The following PTPRD variants were observed in gnomAD, a reference collection of about 807,000 sequenced individuals.
The protein encoded by PTPRD is receptor-type tyrosine-protein phosphatase delta.
A neutral mutation model predicts 214.5 loss-of-function variants in PTPRD; 34 were observed. The ratio of observed to expected loss-of-function variants is 0.16; its 90% confidence interval spans 0.12 to 0.21. The LOEUF is 0.21. Ranked by LOEUF, PTPRD falls within the 10% of genes least tolerant of loss-of-function variation. PTPRD has a pLI of 1.00. For synonymous variants in PTPRD, 1,128 were observed against 845.7 expected (o/e 1.33, Z -5.79); for missense variants, 2,545 against 2,398.7 (o/e 1.06, Z -1.27).
At chr9:8,564,979 T>C (rs1202627480) in intron 14 of PTPRD, among the ~76,000 whole-genome samples, 2 of 152,206 alleles carry the variant, frequency 1.3e-5, no homozygotes, top group African/African-American at 2.4e-5. Flanking sequence ...ATAAAAATCC[T>C]CAGCAAAATT....
At chr9:8,784,639 CTCTTA>C (rs1420330042) in intron 11 of PTPRD, among the ~76,000 whole-genome samples, 11 of 127,134 alleles carry the variant, frequency 8.7e-5, no homozygotes, top group Admixed American at 3.8e-4. Flanking sequence ...TGAGAAAGAG[CTCTTA>C]TCTCATGTTT....
chr9:10,278,653 T>C (rs1392818735), intron 3 of PTPRD, among the ~76,000 whole-genome samples: 1 of 152,206 alleles, frequency 6.6e-6, no homozygotes, highest in Non-Finnish European at 1.5e-5. Context: ...ACCATAAATT[T>C]TCAAATCACA....
intron 38 of PTPRD, among the ~76,000 whole-genome samples, 183 bp from the exon 39 acceptor site, chr9:8,376,273 G>C (rs1197845870): frequency 1.3e-5 from 2 of 152,036 alleles, no homozygotes; most frequent in Non-Finnish European, 2.9e-5. Flanking sequence ...ACAAATATTT[G>C]CGCAGGAAGA....
In PTPRD at chr9:10,362,831, C is replaced by G. The variant is rs1445722498; in HGVS notation, c.-599-21814G>C. 3.3e-5 allele frequency among the ~76,000 whole-genome samples: 5 copies of G among 152,088 alleles called. No individual in the cohort carries two copies. In the East Asian group the frequency reaches 9.7e-4, roughly 29 times the overall value. On this transcript the variant is annotated intron_variant, in intron 2 of 45. Transcript: ENST00000381196. ...GGAGGTGGAGGTGGCAGTGAGCCGACATCGTGCCACTGCACTCCAGCTTGG... is the reference window on the plus strand; with the variant it reads ...GGAGGTGGAGGTGGCAGTGAGCCGAGATCGTGCCACTGCACTCCAGCTTGG...
chr9:9,669,137 C>T (rs1344061678), intron 7 of PTPRD, among the ~76,000 whole-genome samples: 1 of 151,868 alleles, frequency 6.6e-6, no homozygotes, highest in African/African-American at 2.4e-5. Flanking sequence ...CATGTGCATC[C>T]CATTACTGGG....
chr9:8,331,658 A>G lies in PTPRD; in HGVS notation c.5458T>C (p.Phe1820Leu). 1 of 1,613,840 alleles carries G rather than the reference A, an allele frequency of 6.2e-7. No homozygotes were observed. Among genetic ancestry groups the G allele is most frequent in the Non-Finnish European group, 8.5e-7 (1 of 1,179,932 alleles). ...EQGVPKSGEG[F>L]IDFIGQVHKT... The stretch of plus-strand genomic sequence containing the variant: ...TGGACTTGGCCGATGAAGTCAATAA[A>G]TCCTTCTCCGGACTTTGGCACTCCT... The change falls in exon 44 of 46, where the codon TTT becomes CTT. Residue 1820 changes from phenylalanine (F) to leucine (L), a missense_variant. Coordinates refer to ENST00000381196, the MANE Select transcript of PTPRD (RefSeq NM_002839.4).
intron 10 of PTPRD, among the ~76,000 whole-genome samples, chr9:9,025,067 T>C (rs1372271554): frequency 6.6e-6 from 1 of 152,066 alleles, no homozygotes; most frequent in Non-Finnish European, 1.5e-5. Flanking sequence ...GTAAATTTTT[T>C]GGATTGTTTA....
At position 10,345,003 on chromosome 9, in the gene PTPRD, T is replaced by C. The variant is rs370947567; in HGVS notation, c.-599-3986A>G. Among the ~76,000 whole-genome samples the C allele has an allele frequency of 8.3e-4, 126 of 152,256 alleles. 3 individuals are homozygous for C. In the South Asian group the frequency reaches 0.022, roughly 27 times the overall value. ...ATTATACTATAATAATGTAATTTTA[T>C]CTTTCTGAGCATTAAATCCTTTCTC... On this transcript the variant is annotated intron_variant, in intron 2 of 45. Coordinates refer to ENST00000381196, the MANE Select transcript of PTPRD (RefSeq NM_002839.4).
In PTPRD at chr9:9,982,463, T is replaced by TGTTGTG. The variant is rs1555428425; in HGVS notation, c.-471-43854_-471-43853insCACAAC. On this transcript the variant is annotated intron_variant, in intron 4 of 45. Coordinates refer to ENST00000381196, the MANE Select transcript of PTPRD (RefSeq NM_002839.4). ...GGTACATAGATACATATATTGTTGT[T>TGTTGTG]GTGGTGGTGGTGGTGTGTGTGTGTG... Among the ~76,000 whole-genome samples, 14 of 111,210 alleles carry TGTTGTG rather than the reference T, an allele frequency of 1.3e-4. 1 individual carries two copies. The highest frequency in any genetic ancestry group is 5.0e-4 in the African/African-American group (14 of 28,256). The allele number at this position is 111,210 out of a possible 152,430, so 73.0% of individuals were successfully genotyped here. A position where few individuals can be genotyped will look rare whatever the true frequency, so the allele number is the denominator to read the frequency against.
chr9:9,056,378 C>T (rs2099696289), intron 10 of PTPRD, among the ~76,000 whole-genome samples: 1 of 152,146 alleles, frequency 6.6e-6, no homozygotes. Flanking sequence ...GATAGTTATG[C>T]TTGACCTAGA....
intron 39 of PTPRD, among the ~76,000 whole-genome samples, chr9:8,346,925 G>A (rs944634365): frequency 6.6e-6 from 1 of 152,128 alleles, no homozygotes; most frequent in Non-Finnish European, 1.5e-5. Flanking sequence ...AACTGCAAAA[G>A]CTACGGCCAC....
intron 5 of PTPRD, among the ~76,000 whole-genome samples, chr9:9,816,008 G>A (rs977823113): frequency 1.3e-5 from 2 of 152,050 alleles, no homozygotes; most frequent in Non-Finnish European, 2.9e-5. Flanking sequence ...CTGAAGAAAG[G>A]GACATGCAGG....
chr9:9,449,375 C>T (rs1232327039), intron 8 of PTPRD, among the ~76,000 whole-genome samples: 2 of 151,066 alleles, frequency 1.3e-5, no homozygotes, highest in Admixed American at 1.3e-4. Flanking sequence ...TACATTCCTC[C>T]AAACCCAATA....
intron 7 of PTPRD, among the ~76,000 whole-genome samples, chr9:9,600,551 C>G (rs974111154): frequency 6.6e-6 from 1 of 152,022 alleles, no homozygotes; most frequent in African/African-American, 2.4e-5. Context: ...GTGTGGTGTT[C>G]AAGAGGAAGG....
At chr9:8,686,572 T>C (rs2097685623) in intron 12 of PTPRD, among the ~76,000 whole-genome samples, 3 of 152,220 alleles carry the variant, frequency 2.0e-5, no homozygotes, top group South Asian at 2.1e-4. Flanking sequence ...ATTTTAGAAA[T>C]AAGTGAAGGG....
intron 26 of PTPRD, among the ~76,000 whole-genome samples, chr9:8,494,496 T>C (rs972657042): frequency 1.3e-5 from 2 of 152,294 alleles, no homozygotes; most frequent in Admixed American, 6.5e-5. Flanking sequence ...ACACTGGCTA[T>C]CCCAAAAACT....
In PTPRD at chr9:8,840,062, T is replaced by G. The variant is rs144684699; in HGVS notation, c.-103-106116A>C. On this transcript the variant is annotated intron_variant, in intron 11 of 45. Coordinates refer to ENST00000381196, the MANE Select transcript of PTPRD (RefSeq NM_002839.4). ...GTTTCTAAATATTCTATAATGAGAT[T>G]ATATTACTTTTATGGCTTTGAAATA... 8.1e-3 allele frequency among the ~76,000 whole-genome samples: 1,234 copies of G among 152,312 alleles called. 5 individuals carry two copies. The highest frequency in any genetic ancestry group is 0.013 in the Non-Finnish European group (864 of 68,022).
At chr9:10,156,078 T>G (rs898499838) in intron 3 of PTPRD, among the ~76,000 whole-genome samples, 3 of 132,548 alleles carry the variant, frequency 2.3e-5, no homozygotes, top group South Asian at 2.6e-4. Context: ...TTTTGAATGT[T>G]TGTGTGTGTG....
At chr9:9,674,264 T>C (rs2096887203) in intron 7 of PTPRD, among the ~76,000 whole-genome samples, 1 of 151,760 alleles carries the variant, frequency 6.6e-6, no homozygotes, top group Non-Finnish European at 1.5e-5. Context: ...AAGGATGGCT[T>C]ATAATATTAA....
Sources: gnomAD v4.1 joint callset for allele counts (sites outside exome capture counted in the v4.1 genomes callset) on GRCh38, gnomAD v4.1.1 for gene constraint, MANE v1.5 for transcripts, NCBI Gene and HGNC (gene_info 2026-07-23, HGNC 2026-07-21) for gene names.